Variants in LMF1 observed in about 807,000 individuals in gnomAD.
LMF1 encodes lipase maturation factor 1.
Under a neutral mutation model 60.6 loss-of-function variants are expected in LMF1, and 68 were observed. The observed-to-expected ratio is 1.12, with a 90% CI of 0.92 to 1.37. The LOEUF (loss-of-function observed/expected upper bound fraction) is 1.37. Ranked by LOEUF, LMF1 falls within the 40% of genes most tolerant of loss-of-function variation. The pLI, the probability that LMF1 is intolerant of heterozygous loss-of-function variation, is 0.00. For missense variants in LMF1, 948 were observed against 767.2 expected (o/e 1.24, Z -2.78); for synonymous variants, 418 against 324.7 (o/e 1.29, Z -3.09).
upstream of LMF1, chr16:981,309 A>AGC (rs2073358026): frequency 1.0e-5 from 2 of 198,842 alleles, no homozygotes; most frequent in African/African-American, 8.6e-5. Context: ...TGTGTGAGAG[A>AGC]GAGAGAGAGA....
At chr16:889,534 G>C (rs1270617816) in intron 5 of LMF1, among the ~76,000 whole-genome samples, 1 of 152,164 alleles carries the variant, frequency 6.6e-6, no homozygotes, top group Non-Finnish European at 1.5e-5. Flanking sequence ...CTGTGCTGCT[G>C]AAACTTCCGG....
At chr16:871,388 C>A (rs919337621) in intron 6 of LMF1, 47 bp from the exon 7 acceptor site, 3 of 1,589,382 alleles carry the variant, frequency 1.9e-6, no homozygotes, top group Non-Finnish European at 2.6e-6. Context: ...TCGTGTGGGG[C>A]CCCTGGGCAG....
intron 2 of LMF1, among the ~76,000 whole-genome samples, chr16:935,597 T>C (rs890968541): frequency 2.0e-5 from 3 of 147,532 alleles, no homozygotes; most frequent in African/African-American, 7.6e-5. Context: ...CATAATGTTT[T>C]AAGAAAGTTT....
chr16:975,982 G>GA (rs71142795), upstream of LMF1: 16 of 453,222 alleles, frequency 3.5e-5, no homozygotes, highest in South Asian at 2.3e-4. Flanking sequence ...TCCGGGCAAG[G>GA]GGCCTCATGA....
At chr16:889,393 GGT>G (rs1239647902) in intron 5 of LMF1, among the ~76,000 whole-genome samples, 1 of 147,110 alleles carries the variant, frequency 6.8e-6, no homozygotes, top group East Asian at 1.9e-4. Context: ...GATGGCCGTG[GGT>G]GTGAGGCTGT....
At chr16:869,255 T>C (rs2069704565) in intron 9 of LMF1, 199 bp from the exon 10 acceptor site, 1 of 667,058 alleles carries the variant, frequency 1.5e-6, no homozygotes, top group Non-Finnish European at 2.7e-6. Flanking sequence ...CTCATTCCCA[T>C]GTCGGCCGCT....
intron 2 of LMF1, among the ~76,000 whole-genome samples, chr16:935,197 T>A (rs1029889459): frequency 6.6e-6 from 1 of 151,986 alleles, no homozygotes; most frequent in East Asian, 1.9e-4. Context: ...GCTCCTGGGC[T>A]GAAGCAGTCC....
chr16:895,545 T>C (rs2070638955), intron 4 of LMF1, among the ~76,000 whole-genome samples: 3 of 152,090 alleles, frequency 2.0e-5, no homozygotes, highest in African/African-American at 7.2e-5. Flanking sequence ...GCTCTGCTGC[T>C]GTCTGTGCAG....
rs998513093 is a variant in LMF1, at chr16:854,297, T to C, written c.*235A>G. 8.8e-5 allele frequency: 60 copies of C among 684,648 alleles called. No individual in the cohort carries two copies. The highest frequency in any genetic ancestry group is 1.4e-4 in the Non-Finnish European group (51 of 375,282). The allele number at this position is 684,648 out of a possible 1,614,324, so 42.4% of individuals were successfully genotyped here. A position where few individuals can be genotyped will look rare whatever the true frequency, so the allele number is the denominator to read the frequency against. Reference sequence around the variant, plus strand: ...GGGATGGATGGGAGATCAGAGCCCCTGGCGCCTGGGACAAGGGTTGGCCTG... The same window carrying C: ...GGGATGGATGGGAGATCAGAGCCCCCGGCGCCTGGGACAAGGGTTGGCCTG... On this transcript the variant is annotated 3_prime_UTR_variant, in exon 11 of 11. Coordinates refer to ENST00000262301, the MANE Select transcript of LMF1 (RefSeq NM_022773.4).
chr16:891,897 TGA>T (rs527302909), intron 5 of LMF1, among the ~76,000 whole-genome samples: 122 of 152,336 alleles, frequency 8.0e-4, no homozygotes, highest in African/African-American at 2.8e-3. Flanking sequence ...GCCAAAGAGC[TGA>T]GAGTGTTTAC....
At chr16:912,450 G>C (rs1475717523) in intron 3 of LMF1, among the ~76,000 whole-genome samples, 15 of 152,210 alleles carry the variant, frequency 9.9e-5, no homozygotes, top group Admixed American at 9.8e-4. Context: ...TGCTACAGCA[G>C]CACTGGACTG....
chr16:965,409 C>T (rs1014964454), intron 1 of LMF1, among the ~76,000 whole-genome samples: 39 of 152,248 alleles, frequency 2.6e-4, no homozygotes, highest in African/African-American at 8.7e-4. Flanking sequence ...GGCTGAAGAG[C>T]TCACCAAGGC....
rs2071276049 is a variant in LMF1, at chr16:916,262, A to ACCAT, written c.515-5187_515-5184dup. Among the ~76,000 whole-genome samples the ACCAT allele has an allele frequency of 3.3e-5, 5 of 152,162 alleles. No homozygotes were observed. The South Asian group carries it at 1.0e-3, about 32-fold the overall frequency. On this transcript the variant is annotated intron_variant, in intron 3 of 10. Transcript: ENST00000262301. Reference sequence around the variant, plus strand: ...GATGGATCCTTCAAAAATGACAGCCACCATCCACGTTAGAAACAGGAAATC... The same window carrying ACCAT: ...GATGGATCCTTCAAAAATGACAGCCACCATCCATCCACGTTAGAAACAGGAAATC...
intron 2 of LMF1, among the ~76,000 whole-genome samples, chr16:951,821 A>G (rs3865201): frequency 0.48 from 72,674 of 152,058 alleles, 19,070 homozygotes; most frequent in African/African-American, 0.7. Context: ...AGAAAAAGCC[A>G]CTTCACCGTC....
chr16:866,974 C>T (rs758172569), intron 10 of LMF1, among the ~76,000 whole-genome samples: 4 of 152,134 alleles, frequency 2.6e-5, no homozygotes, highest in African/African-American at 9.7e-5. Context: ...TTATGTATAA[C>T]GTCCAGGGAT....
At chr16:870,438 G>A (rs1339241043) in intron 8 of LMF1, among the ~76,000 whole-genome samples, 2 of 152,218 alleles carry the variant, frequency 1.3e-5, no homozygotes, top group African/African-American at 4.8e-5. Flanking sequence ...GCAGGGGGTT[G>A]GGGCCTGGTG....
intron 2 of LMF1, among the ~76,000 whole-genome samples, chr16:935,864 C>A (rs1039546035): frequency 6.6e-6 from 1 of 152,172 alleles, no homozygotes; most frequent in Non-Finnish European, 1.5e-5. Context: ...ACGATAAAAG[C>A]ACAGCAAAGG....
Position 870,852 on chromosome 16 carries a change from G to C in LMF1, c.1109C>G (p.Ser370Trp). ...GAGCCAGGCCAGCAGGACGCCCAGC[G>C]AGACGTTGGCTGCACGCCGCACCAC... ...GSVVRRAANV[S>W]LGVLLAWLSV... Residue 370 changes from serine (S) to tryptophan (W), a missense_variant, in exon 8 of 11, where the codon TCG (serine) becomes TGG (tryptophan). Coordinates refer to ENST00000262301, the MANE Select transcript of LMF1 (RefSeq NM_022773.4). 1 of 1,610,886 alleles carries C rather than the reference G, an allele frequency of 6.2e-7. No homozygotes were observed. Among genetic ancestry groups the C allele is most frequent in the Non-Finnish European group, 8.5e-7 (1 of 1,179,722 alleles).
rs34424696 is a variant in LMF1 at position 922,976 on chromosome 16, C to A, written c.514+11268G>T. 5.9e-3 allele frequency among the ~76,000 whole-genome samples: 611 copies of A among 104,240 alleles called. 5 individuals carry two copies. Among genetic ancestry groups the A allele is most frequent in the Middle Eastern group, 0.017 (3 of 180 alleles). 68.4% of individuals were successfully genotyped at this position (104,240 alleles called of 152,430 possible). A position where few individuals can be genotyped will look rare whatever the true frequency, so the allele number is the denominator to read the frequency against. Reference sequence around the variant, plus strand: ...TGTTGCGAAGGCCCTGTGTGAAGGTCGCCTGGGTTTTCGGGTGTGATGTGG... The same window carrying A: ...TGTTGCGAAGGCCCTGTGTGAAGGTAGCCTGGGTTTTCGGGTGTGATGTGG... On this transcript the variant is annotated intron_variant, in intron 3 of 10. Transcript: ENST00000262301.
Sources: allele counts gnomAD v4.1 joint callset (sites outside exome capture counted in the v4.1 genomes callset), GRCh38; gene constraint gnomAD v4.1.1; transcripts MANE v1.5; gene names NCBI Gene and HGNC (gene_info 2026-07-23, HGNC 2026-07-21).